Variants in KLHL2 observed in about 807,000 individuals in gnomAD.
The protein encoded by KLHL2 is kelch like family member 2, also known as kelch-like protein 2.
Under a neutral mutation model 75.8 loss-of-function variants are expected in KLHL2, and 15 were observed. The observed-to-expected ratio is 0.20, with a 90% CI of 0.13 to 0.30. The LOEUF is 0.30. Ranked by LOEUF, KLHL2 falls within the 10% of genes least tolerant of loss-of-function variation. KLHL2 has a pLI of 1.00. For synonymous variants in KLHL2, 214 were observed against 251.9 expected, an observed-to-expected ratio of 0.85 and a Z score of 1.42; for missense variants, 381 against 741.0, an observed-to-expected ratio of 0.51 and a Z score of 5.64.
At position 165,243,376 on chromosome 4, in the gene KLHL2, T is replaced by C. The variant is rs542923749; in HGVS notation, c.381+4477T>C. Among the ~76,000 whole-genome samples, 5 of 152,332 alleles carry C rather than the reference T, an allele frequency of 3.3e-5. No individual in the cohort carries two copies. The East Asian group carries it at 9.6e-4, about 29-fold the overall frequency. On this transcript the variant is annotated intron_variant, in intron 4 of 14. Coordinates refer to ENST00000226725, the MANE Select transcript of KLHL2 (RefSeq NM_007246.4). ...AAACAGTGCCCATGAAAGTAAATGC[T>C]TTCTATTCCTAAATTAATATTATGA...
chr4:165,211,199 A>G (rs1052191781), intron 1 of KLHL2, among the ~76,000 whole-genome samples: 1 of 152,260 alleles, frequency 6.6e-6, no homozygotes, highest in African/African-American at 2.4e-5. Flanking sequence ...TTGAAGTCTA[A>G]CAATTGCTAA....
intron 5 of KLHL2, among the ~76,000 whole-genome samples, chr4:165,293,718 G>A (rs1352537104): frequency 8.1e-5 from 11 of 135,134 alleles, no homozygotes; most frequent in South Asian, 2.3e-4. Flanking sequence ...GGGTTTCACT[G>A]TGTTAGCCAG....
rs1738707386 is a variant in KLHL2 at position 165,229,440 on chromosome 4, C to G, written c.259+527C>G. ...GTCTGTCACACTTGAATCCCTTACT[C>G]TCATTCTTTTTTAAAATATACTGTA... On this transcript the variant is annotated intron_variant, in intron 3 of 14. Transcript: ENST00000226725. Among the ~76,000 whole-genome samples, 9 of 152,294 alleles carry G rather than the reference C, an allele frequency of 5.9e-5. No individual in the cohort carries two copies. In the South Asian group the frequency reaches 1.4e-3, roughly 25 times the overall value.
intron 7 of KLHL2, among the ~76,000 whole-genome samples, chr4:165,297,989 AT>A (rs1745045822): frequency 6.6e-6 from 1 of 152,068 alleles, no homozygotes; most frequent in Non-Finnish European, 1.5e-5. Context: ...ACCCCAGCTA[AT>A]TTTTGTATTT....
At chr4:165,312,587 A>G (rs1436817046) in intron 11 of KLHL2, among the ~76,000 whole-genome samples, 1 of 152,126 alleles carries the variant, frequency 6.6e-6, no homozygotes, top group Non-Finnish European at 1.5e-5. Flanking sequence ...CCATCACTGC[A>G]ATTCATTTTA....
intron 1 of KLHL2, among the ~76,000 whole-genome samples, chr4:165,211,105 A>G (rs1436896978): frequency 6.6e-6 from 1 of 152,244 alleles, no homozygotes; most frequent in Non-Finnish European, 1.5e-5. Flanking sequence ...GCATTTAGGC[A>G]GCAGAAAATT....
chr4:165,312,183 T>G (rs1363183606), intron 11 of KLHL2, among the ~76,000 whole-genome samples: 2 of 152,176 alleles, frequency 1.3e-5, no homozygotes, highest in African/African-American at 4.8e-5. Flanking sequence ...CCTCCTGTTG[T>G]GCAGCCCGGT....
intron 2 of KLHL2, among the ~76,000 whole-genome samples, chr4:165,224,241 C>A (rs1001479960): frequency 6.6e-6 from 1 of 150,746 alleles, no homozygotes; most frequent in Non-Finnish European, 1.5e-5. Context: ...AAAAAAAAAA[C>A]CTACTGTTTT....
intron 5 of KLHL2, chr4:165,279,253 T>C: frequency 6.5e-7 from 1 of 1,535,330 alleles, no homozygotes; most frequent in Non-Finnish European, 9.0e-7. Flanking sequence ...TATTATTTCC[T>C]GGAATTCTTT....
chr4:165,271,094 ATTTG>A (rs1742656577), intron 5 of KLHL2, among the ~76,000 whole-genome samples: 1 of 151,890 alleles, frequency 6.6e-6, no homozygotes, highest in Admixed American at 6.6e-5. Context: ...ATGCCTCTAG[ATTTG>A]TTCTTTTTGC....
intron 5 of KLHL2, among the ~76,000 whole-genome samples, chr4:165,265,113 T>C (rs1206865608): frequency 1.3e-5 from 2 of 152,126 alleles, no homozygotes; most frequent in Non-Finnish European, 2.9e-5. Flanking sequence ...AATTTGCATT[T>C]TCCTGATGAT....
chr4:165,222,335 C>T (rs1211818817), intron 2 of KLHL2, among the ~76,000 whole-genome samples: 2 of 152,044 alleles, frequency 1.3e-5, no homozygotes, highest in Non-Finnish European at 2.9e-5. Context: ...GGTGTCCTTG[C>T]CTGGCCCTAG....
At chr4:165,215,749 A>G (rs1022219440) in intron 1 of KLHL2, among the ~76,000 whole-genome samples, 9 of 152,026 alleles carry the variant, frequency 5.9e-5, no homozygotes, top group African/African-American at 1.9e-4. Flanking sequence ...AATACAACAT[A>G]TTTTCTAAAG....
intron 3 of KLHL2, 149 bp from the exon 4 acceptor site, chr4:165,238,629 G>A: frequency 6.9e-7 from 1 of 1,458,742 alleles, no homozygotes; most frequent in South Asian, 1.3e-5. Flanking sequence ...GAAGAGGAAG[G>A]GGGGAGTATT....
rs532901060 is a variant in KLHL2 at position 165,296,762 on chromosome 4, C to G, written c.655-847C>G. On this transcript the variant is annotated intron_variant, in intron 6 of 14. Coordinates refer to ENST00000226725, the MANE Select transcript of KLHL2 (RefSeq NM_007246.4). ...CCAGAAGGCCGACTATCTTGTTCACCTAATCTCTGGCACCTGGCACGTAGA... is the reference window on the plus strand; with the variant it reads ...CCAGAAGGCCGACTATCTTGTTCACGTAATCTCTGGCACCTGGCACGTAGA... Among the ~76,000 whole-genome samples, 11 of 152,262 alleles carry G rather than the reference C, an allele frequency of 7.2e-5. 1 individual carries two copies. The highest frequency in any genetic ancestry group is 2.6e-4 in the African/African-American group (11 of 41,540).
chr4:165,237,822 ACTGT>A (rs1739476968), intron 3 of KLHL2, among the ~76,000 whole-genome samples: 1 of 151,838 alleles, frequency 6.6e-6, no homozygotes, highest in Non-Finnish European at 1.5e-5. Context: ...TTATTCTTGG[ACTGT>A]CCTTTTAGTT....
chr4:165,281,489 G>T (rs1743680178), intron 5 of KLHL2, among the ~76,000 whole-genome samples: 1 of 151,858 alleles, frequency 6.6e-6, no homozygotes, highest in Non-Finnish European at 1.5e-5. Context: ...CTAATTTTTT[G>T]TATTTTTAGT....
At chr4:165,217,637 C>G (rs963741949) in intron 1 of KLHL2, among the ~76,000 whole-genome samples, 3 of 152,190 alleles carry the variant, frequency 2.0e-5, no homozygotes, top group African/African-American at 7.2e-5. Flanking sequence ...GGCAAGCCCT[C>G]AGAGAGTCAG....
At chr4:165,226,832 G>A (rs560636982) in intron 2 of KLHL2, among the ~76,000 whole-genome samples, 3 of 152,242 alleles carry the variant, frequency 2.0e-5, no homozygotes, top group African/African-American at 7.2e-5. Context: ...GTGGTCAAGA[G>A]GCTCTGGAGT....
Sources: gnomAD v4.1 joint callset for allele counts (sites outside exome capture counted in the v4.1 genomes callset) on GRCh38, gnomAD v4.1.1 for gene constraint, MANE v1.5 for transcripts, NCBI Gene and HGNC (gene_info 2026-07-23, HGNC 2026-07-21) for gene names.